Variants in SLC16A7 observed in about 807,000 individuals in gnomAD.
The protein encoded by SLC16A7 is solute carrier family 16 member 7, also known as monocarboxylate transporter 2.
A neutral mutation model predicts 34.9 loss-of-function variants in SLC16A7; 33 were observed. That is an observed-to-expected ratio of 0.94 (90% CI 0.72 to 1.26). SLC16A7 has a LOEUF of 1.26. Ranked by LOEUF, SLC16A7 falls within the 50% of genes most tolerant of loss-of-function variation. The pLI, the probability that SLC16A7 is intolerant of heterozygous loss-of-function variation, is 0.00. For synonymous variants in SLC16A7, 201 were observed against 206.6 expected, an observed-to-expected ratio of 0.97 and a Z score of 0.23; for missense variants, 573 against 578.1, an observed-to-expected ratio of 0.99 and a Z score of 0.09.
intron 1 of SLC16A7, among the ~76,000 whole-genome samples, chr12:59,602,977 A>C (rs752353585): frequency 6.6e-6 from 1 of 152,156 alleles, no homozygotes; most frequent in Non-Finnish European, 1.5e-5. Context: ...TACTTCCAGT[A>C]TCCTGTGGTC....
chr12:59,738,318 C>T (rs1352997469), intron 3 of SLC16A7, among the ~76,000 whole-genome samples: 1 of 152,116 alleles, frequency 6.6e-6, no homozygotes, highest in African/African-American at 2.4e-5. Context: ...AGATAGAATA[C>T]CTCCTAACAA....
At chr12:59,648,879 G>T (rs117065171) in intron 1 of SLC16A7, among the ~76,000 whole-genome samples, 1 of 152,142 alleles carries the variant, frequency 6.6e-6, no homozygotes, top group Non-Finnish European at 1.5e-5. Flanking sequence ...ATAGATTATT[G>T]ATTGTGGTGC....
At chr12:59,639,477 G>T (rs1026948877) in intron 1 of SLC16A7, among the ~76,000 whole-genome samples, 1 of 152,040 alleles carries the variant, frequency 6.6e-6, no homozygotes, top group African/African-American at 2.4e-5. Flanking sequence ...CCCTGACTCC[G>T]GGCTCAAGCT....
intron 1 of SLC16A7, among the ~76,000 whole-genome samples, chr12:59,653,729 A>G (rs1184835526): frequency 1.3e-5 from 2 of 151,712 alleles, no homozygotes; most frequent in Non-Finnish European, 1.5e-5. Flanking sequence ...TTTACAAAGT[A>G]AACAATTGAT....
At chr12:59,652,983 T>C (rs757557244) in intron 1 of SLC16A7, among the ~76,000 whole-genome samples, 2 of 151,834 alleles carry the variant, frequency 1.3e-5, no homozygotes. Flanking sequence ...TAGCTACCTT[T>C]CTTTTTAAAA....
At chr12:59,671,809 G>GTA (rs201856693) in intron 2 of SLC16A7, among the ~76,000 whole-genome samples, 39 of 135,414 alleles carry the variant, frequency 2.9e-4, no homozygotes, top group Admixed American at 1.1e-3. Flanking sequence ...GTATATATGT[G>GTA]TATATATATG....
rs1262446050 is a variant in SLC16A7, at chr12:59,619,928, C to T, written c.-130+23692C>T. Among the ~76,000 whole-genome samples the T allele has an allele frequency of 3.3e-5, 5 of 151,904 alleles. No homozygotes were observed. In the East Asian group the frequency reaches 9.7e-4, roughly 29 times the overall value. On this transcript the variant is annotated intron_variant, in intron 1 of 5. Coordinates refer to ENST00000547379, the MANE Select transcript of SLC16A7 (RefSeq NM_001270623.2). The stretch of plus-strand genomic sequence containing the variant: ...ACTTCAGTTTTTACAGAAAACAATC[C>T]AAGGCACTGAGGCTTTAAGTGACTC...
intron 3 of SLC16A7, among the ~76,000 whole-genome samples, chr12:59,745,938 C>T (rs945856016): frequency 1.3e-5 from 2 of 152,000 alleles, no homozygotes; most frequent in African/African-American, 4.8e-5. Flanking sequence ...GAATGGAAAA[C>T]ATAAAGTGAA....
At chr12:59,764,639 A>G (rs910020490) in intron 3 of SLC16A7, among the ~76,000 whole-genome samples, 4 of 151,980 alleles carry the variant, frequency 2.6e-5, no homozygotes, top group African/African-American at 4.8e-5. Context: ...AGCTTCATCC[A>G]TGTCCCTACA....
chr12:59,747,732 G>T (rs756101643), intron 3 of SLC16A7, among the ~76,000 whole-genome samples: 1 of 152,244 alleles, frequency 6.6e-6, no homozygotes, highest in Non-Finnish European at 1.5e-5. Context: ...GTAATGGGTA[G>T]GGTATGGTTG....
chr12:59,753,698 G>A (rs143037448), intron 3 of SLC16A7, among the ~76,000 whole-genome samples: 11,449 of 151,910 alleles, frequency 0.075, 530 homozygotes, highest in South Asian at 0.17. Flanking sequence ...ACAGATCAAC[G>A]AGACAGAAAG....
intron 2 of SLC16A7, among the ~76,000 whole-genome samples, chr12:59,661,244 G>C (rs534589048): frequency 6.6e-6 from 1 of 152,152 alleles, no homozygotes; most frequent in East Asian, 1.9e-4. Flanking sequence ...AGAGAGATTG[G>C]AGGCTGGGAT....
In SLC16A7 at chr12:59,678,664, G is replaced by A. The variant is rs534673000; in HGVS notation, c.-31+23414G>A. Among the ~76,000 whole-genome samples, 3 of 152,258 alleles carry A rather than the reference G, an allele frequency of 2.0e-5. No individual in the cohort carries two copies. The East Asian group carries it at 5.8e-4, about 30-fold the overall frequency. ...CATGGGCAGCCACGGGTAGGCATGG[G>A]AAAAGCACCATAATTTCCCATTCTG... On this transcript the variant is annotated intron_variant, in intron 2 of 5. Coordinates refer to ENST00000547379, the MANE Select transcript of SLC16A7 (RefSeq NM_001270623.2).
chr12:59,616,213 G>C (rs1879442251), intron 1 of SLC16A7, among the ~76,000 whole-genome samples: 1 of 152,070 alleles, frequency 6.6e-6, no homozygotes, highest in Non-Finnish European at 1.5e-5. Flanking sequence ...AAAATTGAAG[G>C]CATTTATTAA....
chr12:59,789,411 G>T lies in SLC16A7; in HGVS notation c.*9732G>T, dbSNP rs1186942202. ...TATGCAAATATTGAAATATGCAACA[G>T]CTAAACTTTATGGTACATATTAATT... is the stretch of plus-strand genomic sequence containing the variant. On this transcript the variant is annotated 3_prime_UTR_variant, in exon 6 of 6. Transcript: ENST00000547379. 1 of 152,068 alleles carries T rather than the reference G, an allele frequency of 6.6e-6. No individual in the cohort carries two copies. Among genetic ancestry groups the T allele is most frequent in the African/African-American group, 2.4e-5 (1 of 41,416 alleles). 9.4% of individuals were successfully genotyped at this position (152,068 alleles called of 1,614,324 possible).
At chr12:59,604,312 C>T (rs1242284976) in intron 1 of SLC16A7, among the ~76,000 whole-genome samples, 2 of 152,210 alleles carry the variant, frequency 1.3e-5, no homozygotes, top group Admixed American at 6.5e-5. Context: ...GCTGAACTTT[C>T]CTTTCTGTGC....
At chr12:59,759,849 T>C (rs1428481649) in intron 3 of SLC16A7, among the ~76,000 whole-genome samples, 3 of 152,088 alleles carry the variant, frequency 2.0e-5, no homozygotes, top group Non-Finnish European at 4.4e-5. Flanking sequence ...ACAATCTTTT[T>C]TCTTCCTTAA....
At chr12:59,657,172 C>A (rs1868578552) in intron 2 of SLC16A7, among the ~76,000 whole-genome samples, 1 of 151,836 alleles carries the variant, frequency 6.6e-6, no homozygotes, top group South Asian at 2.1e-4. Context: ...AGGAAAGTAT[C>A]CAAAACTTTG....
At chr12:59,719,470 T>C (rs1327816514) in intron 3 of SLC16A7, among the ~76,000 whole-genome samples, 1 of 152,000 alleles carries the variant, frequency 6.6e-6, no homozygotes, top group Non-Finnish European at 1.5e-5. Flanking sequence ...GGGAAAAATA[T>C]ACAAAATGTG....
Sources: gnomAD v4.1 joint callset for allele counts (sites outside exome capture counted in the v4.1 genomes callset) on GRCh38, gnomAD v4.1.1 for gene constraint, MANE v1.5 for transcripts, NCBI Gene and HGNC (gene_info 2026-07-23, HGNC 2026-07-21) for gene names.